The following PAN3 variants were observed in gnomAD, a reference collection of about 807,000 sequenced individuals.
PAN3 encodes the protein PAN2-PAN3 deadenylation complex subunit PAN3.
Under a neutral mutation model 96.2 loss-of-function variants are expected in PAN3, and 19 were observed. The ratio of observed to expected loss-of-function variants is 0.20; its 90% CI spans 0.14 to 0.29. PAN3 has a LOEUF of 0.29. PAN3 is among the 10% of genes least tolerant of loss of function. The pLI, the probability that PAN3 is intolerant of heterozygous loss-of-function variation, is 1.00. For missense variants in PAN3, 882 were observed against 1,108.1 expected (o/e 0.80, Z 2.90); for synonymous variants, 433 against 406.6 (o/e 1.06, Z -0.78).
intron 1 of PAN3, among the ~76,000 whole-genome samples, chr13:28,143,860 A>C (rs1372903333): frequency 6.6e-6 from 1 of 152,336 alleles, no homozygotes; most frequent in East Asian, 1.9e-4. Flanking sequence ...GCTTTGGAAT[A>C]TGTAATGTGT....
chr13:28,217,817 A>G (rs1464356114), intron 5 of PAN3, among the ~76,000 whole-genome samples: 1 of 147,288 alleles, frequency 6.8e-6, no homozygotes, highest in East Asian at 2.0e-4. Flanking sequence ...TTATTCAAAC[A>G]TAGGTCAGGG....
intron 1 of PAN3, among the ~76,000 whole-genome samples, chr13:28,139,514 T>TTGTGTGTGTGTG (rs10577740): frequency 0.027 from 2,491 of 93,084 alleles, 87 homozygotes; most frequent in African/African-American, 0.055. Flanking sequence ...AGGGGTGTGT[T>TTGTGTGTGTGTG]TGTGTGTGTG....
rs1204078673 is a variant in PAN3, at chr13:28,293,269, C to A, written c.*747C>A. The A allele has an allele frequency of 6.6e-6, 1 of 151,804 alleles. No homozygotes were observed. Among genetic ancestry groups the A allele is most frequent in the Non-Finnish European group, 1.5e-5 (1 of 67,990 alleles). The allele number at this position is 151,804 out of a possible 1,614,324, so 9.4% of individuals were successfully genotyped here. The stretch of plus-strand genomic sequence containing the variant: ...TAGAGCCTTTTTAAAAAGACATTTG[C>A]CTGCTAGTCAGATACATTTACATTT... On this transcript the variant is annotated 3_prime_UTR_variant, in exon 19 of 19. Coordinates refer to ENST00000380958, the MANE Select transcript of PAN3 (RefSeq NM_175854.8).
chr13:28,164,761 A>T (rs1873323205), intron 1 of PAN3, among the ~76,000 whole-genome samples: 1 of 152,180 alleles, frequency 6.6e-6, no homozygotes, highest in East Asian at 1.9e-4. Context: ...CTCTAGTATG[A>T]TGTTTTTGGA....
chr13:28,220,302 G>A lies in PAN3; in HGVS notation c.924G>A (p.Gln308=). Reference sequence around the variant, plus strand: ...CCTCCAGGCTGAGTAACGTGTCCCAGTCAAATATGTCTGCCTTCTCTCAAG... The same window carrying A: ...CCTCCAGGCTGAGTAACGTGTCCCAATCAAATATGTCTGCCTTCTCTCAAG... ...GSTSRLSNVS[Q]SNMSAFSQVF... is the part of the protein sequence containing the mutation. Residue 308 remains glutamine, a synonymous_variant, in exon 6 of 19, where the codon CAG becomes CAA. Coordinates refer to ENST00000380958, the MANE Select transcript of PAN3 (RefSeq NM_175854.8). 1.2e-6 allele frequency: 2 copies of A among 1,613,794 alleles called. No individual in the cohort carries two copies. The highest frequency in any genetic ancestry group is 1.7e-6 in the Non-Finnish European group (2 of 1,179,768).
intron 6 of PAN3, among the ~76,000 whole-genome samples, chr13:28,227,499 T>C (rs570968832): frequency 1.4e-4 from 21 of 152,284 alleles, no homozygotes; most frequent in African/African-American, 4.8e-4. Context: ...GCTTTCAGTG[T>C]ATTATGACTC....
At chr13:28,159,086 C>G (rs1872582817) in intron 1 of PAN3, among the ~76,000 whole-genome samples, 1 of 152,038 alleles carries the variant, frequency 6.6e-6, no homozygotes, top group Non-Finnish European at 1.5e-5. Flanking sequence ...ACCATTTGAC[C>G]CAGCAATTTC....
At chr13:28,237,535 G>T (rs79210390) in intron 6 of PAN3, among the ~76,000 whole-genome samples, 5 of 152,134 alleles carry the variant, frequency 3.3e-5, no homozygotes, top group Non-Finnish European at 7.3e-5. Flanking sequence ...GTGAAGTCCT[G>T]TGTGAACCCC....
Position 28,214,619 on chromosome 13 carries a change from A to G in PAN3, c.853-5612A>G, listed in dbSNP as rs77619025. The G allele has an allele frequency of 3.3e-3, 1,406 of 423,006 alleles. 27 individuals carry two copies. The highest frequency in any genetic ancestry group is 0.027 in the African/African-American group (1,285 of 48,270). The allele number at this position is 423,006 out of a possible 1,614,324, so 26.2% of individuals were successfully genotyped here. On this transcript the variant is annotated intron_variant, in intron 5 of 18. Transcript: ENST00000380958. ...GATCTACAAATGTGGTGGAATCAACAAAAGAATCATTGAAAAATTGGAAAA... is the reference window on the plus strand; with the variant it reads ...GATCTACAAATGTGGTGGAATCAACGAAAGAATCATTGAAAAATTGGAAAA...
intron 5 of PAN3, among the ~76,000 whole-genome samples, chr13:28,202,887 T>A (rs1878907004): frequency 6.6e-6 from 1 of 152,198 alleles, no homozygotes; most frequent in Non-Finnish European, 1.5e-5. Context: ...ATGCAAAAAC[T>A]GCAATTACTT....
At chr13:28,182,860 T>G (rs1033943159) in intron 4 of PAN3, among the ~76,000 whole-genome samples, 5 of 152,320 alleles carry the variant, frequency 3.3e-5, no homozygotes, top group Admixed American at 2.6e-4. Context: ...TTACAAAACT[T>G]ACTGATGATA....
At chr13:28,249,216 A>G (rs1290779865) in intron 6 of PAN3, among the ~76,000 whole-genome samples, 1 of 152,192 alleles carries the variant, frequency 6.6e-6, no homozygotes, top group Non-Finnish European at 1.5e-5. Context: ...ATAAGAAGCC[A>G]TTGCTCGACT....
At chr13:28,188,069 A>T (rs1445897989) in intron 4 of PAN3, among the ~76,000 whole-genome samples, 1 of 152,258 alleles carries the variant, frequency 6.6e-6, no homozygotes, top group African/African-American at 2.4e-5. Flanking sequence ...CTTGAAAAAT[A>T]GTAGTATACA....
At chr13:28,187,824 G>T (rs904651383) in intron 4 of PAN3, among the ~76,000 whole-genome samples, 15 of 151,944 alleles carry the variant, frequency 9.9e-5, no homozygotes, top group African/African-American at 3.6e-4. Flanking sequence ...ACCCAACTTA[G>T]CTGGGACTAC....
intron 6 of PAN3, among the ~76,000 whole-genome samples, chr13:28,237,392 A>G (rs1883212039): frequency 6.6e-6 from 1 of 152,208 alleles, no homozygotes; most frequent in African/African-American, 2.4e-5. Context: ...TCAGAAATGA[A>G]CAGGCAACCA....
chr13:28,192,164 G>A (rs573921361), intron 4 of PAN3, among the ~76,000 whole-genome samples: 1 of 151,914 alleles, frequency 6.6e-6, no homozygotes, highest in South Asian at 2.1e-4. Context: ...CCGCCTCCTG[G>A]GTTCAAGAGA....
chr13:28,169,900 A>T (rs1412238018), intron 1 of PAN3, among the ~76,000 whole-genome samples: 1 of 151,920 alleles, frequency 6.6e-6, no homozygotes, highest in African/African-American at 2.4e-5. Context: ...TACAAAAATT[A>T]GCTGGGCGTG....
At chr13:28,235,653 T>C (rs1485258700) in intron 6 of PAN3, among the ~76,000 whole-genome samples, 1 of 151,326 alleles carries the variant, frequency 6.6e-6, no homozygotes, top group Non-Finnish European at 1.5e-5. Flanking sequence ...TATCTCATAA[T>C]TTTTTAGTAT....
At chr13:28,291,192 G>A (rs1173799551) in intron 18 of PAN3, among the ~76,000 whole-genome samples, 2 of 152,058 alleles carry the variant, frequency 1.3e-5, no homozygotes, top group Non-Finnish European at 2.9e-5. Flanking sequence ...AAATTGTCTG[G>A]TAAATGATTT....
Sources: gnomAD v4.1 joint callset for allele counts (sites outside exome capture counted in the v4.1 genomes callset) on GRCh38, gnomAD v4.1.1 for gene constraint, MANE v1.5 for transcripts, NCBI Gene and HGNC (gene_info 2026-07-23, HGNC 2026-07-21) for gene names.